The following SLC12A7 variants were observed in gnomAD, a reference collection of about 807,000 sequenced individuals.
SLC12A7 encodes the protein solute carrier family 12 member 7.
Under a neutral mutation model 120.6 loss-of-function variants are expected in SLC12A7, and 100 were observed. The observed-to-expected ratio is 0.83, with a 90% CI of 0.71 to 0.98. The LOEUF is 0.98. SLC12A7 is among the 50% of genes least tolerant of loss of function. The pLI is 0.00. For missense variants in SLC12A7, 1,373 were observed against 1,548.1 expected (o/e 0.89, Z 1.90); for synonymous variants, 760 against 678.0 (o/e 1.12, Z -1.88).
the SLC12A7 span, among the ~76,000 whole-genome samples, chr5:1,127,891 G>A: frequency 4.6e-5 from 7 of 152,160 alleles, no homozygotes; most frequent in Non-Finnish European, 1.0e-4. Flanking sequence ...TATCAAATTA[G>A]CACTTGTCAT....
At position 1,064,228 on chromosome 5, in the gene SLC12A7, G is replaced by A. The variant is rs534639626; in HGVS notation, c.2462C>T (p.Ala821Val). The A allele has an allele frequency of 8.1e-5, 130 of 1,611,834 alleles. No homozygotes were observed. The East Asian group carries it at 8.2e-4, about 10-fold the overall frequency. Residue 821 changes from alanine (A) to valine (V), a missense_variant, in exon 19 of 24, where the codon GCG (alanine) becomes GTG (valine). By Grantham distance (64) the Ala-to-Val change is moderately conservative. Transcript: ENST00000264930. ...FVDTVRDTTA[A>V]HQALLVAKNV... Reference sequence around the variant, plus strand: ...CTTGGCCACCAGCAGAGCCTGGTGCGCGGCGGTGGTGTCGCGGACGGTGTC... The same window carrying A: ...CTTGGCCACCAGCAGAGCCTGGTGCACGGCGGTGGTGTCGCGGACGGTGTC...
At chr5:1,135,745 C>T in the SLC12A7 span, among the ~76,000 whole-genome samples, 1 of 152,244 alleles carries the variant, frequency 6.6e-6, no homozygotes, top group African/African-American at 2.4e-5. Context: ...ACTGAAGGCT[C>T]AGCTTAAGTC....
At chr5:1,061,514 C>CCCGCCGCACCTGCCGCAT (rs1178715312) in intron 20 of SLC12A7, among the ~76,000 whole-genome samples, 1 of 120,142 alleles carries the variant, frequency 8.3e-6, no homozygotes, top group Non-Finnish European at 1.7e-5. Context: ...ACCCGCCGCA[C>CCCGCCGCACCTGCCGCAT]CCGCCGCACC....
rs1254384251 is a variant in SLC12A7 at position 1,052,657 on chromosome 5, AAG to A, written c.3161-208_3161-207del. 1.4e-4 allele frequency among the ~76,000 whole-genome samples: 22 copies of A among 152,262 alleles called. No homozygotes were observed. The East Asian group carries it at 3.7e-3, about 25-fold the overall frequency. On this transcript the variant is annotated intron_variant, in intron 23 of 23. Transcript: ENST00000264930. ...GGGAGAGAGGGGCCAGTGCTCGGGA[AAG>A]AGAGGGAGCACCGTGGCCACAGGGA...
At chr5:1,053,739 C>G (rs1175684623) in intron 22 of SLC12A7, among the ~76,000 whole-genome samples, 1 of 152,248 alleles carries the variant, frequency 6.6e-6, no homozygotes, top group Non-Finnish European at 1.5e-5. Flanking sequence ...ACTAAGGCTG[C>G]CAAGCTTCTA....
chr5:1,098,848 A>T (rs374132316), intron 1 of SLC12A7, among the ~76,000 whole-genome samples: 28 of 149,410 alleles, frequency 1.9e-4, no homozygotes, highest in Admixed American at 6.7e-4. Flanking sequence ...GGACTTGGAC[A>T]TCGGCAGTCC....
the SLC12A7 span, among the ~76,000 whole-genome samples, chr5:1,119,907 CG>C: frequency 9.2e-5 from 14 of 152,354 alleles, no homozygotes; most frequent in African/African-American, 2.9e-4. Flanking sequence ...TCTGCCTCCC[CG>C]CAAAAATCCA....
At position 1,076,816 on chromosome 5, in the gene SLC12A7, C is replaced by T. The variant is rs779286316; in HGVS notation, c.1630-4G>A. 6 of 1,599,400 alleles carry T rather than the reference C, an allele frequency of 3.8e-6. No individual in the cohort carries two copies. Among genetic ancestry groups the T allele is most frequent in the Middle Eastern group, 3.3e-4 (2 of 6,022 alleles). ...TGGCCTTCCCGTGGCCAAACACCTG[C>T]AGGGAGAAGGGCAGGAAGATGGGGC... On this transcript the variant is annotated splice_region_variant and splice_polypyrimidine_tract_variant and intron_variant, in intron 12 of 23. Coordinates refer to ENST00000264930, the MANE Select transcript of SLC12A7 (RefSeq NM_006598.3).
At chr5:1,117,432 A>C in the SLC12A7 span, among the ~76,000 whole-genome samples, 1 of 152,136 alleles carries the variant, frequency 6.6e-6, no homozygotes, top group Admixed American at 6.5e-5. This position sits in a 1 kb window ranked among gnomAD's most constrained non-coding sequence, Gnocchi z 4.5. Flanking sequence ...AGTTAAAATA[A>C]ACCTCCTTCT....
At chr5:1,148,794 C>T in the SLC12A7 span, among the ~76,000 whole-genome samples, 7 of 152,138 alleles carry the variant, frequency 4.6e-5, no homozygotes, top group African/African-American at 1.7e-4. Flanking sequence ...GTACACTGAC[C>T]AGGTAGACTG....
chr5:1,074,051 C>G lies in SLC12A7; in HGVS notation c.2073-250G>C, dbSNP rs558088027. Among the ~76,000 whole-genome samples, 148 of 152,226 alleles carry G rather than the reference C, an allele frequency of 9.7e-4. 1 individual carries two copies. Among genetic ancestry groups the G allele is most frequent in the African/African-American group, 3.5e-3 (145 of 41,528 alleles). Reference sequence around the variant, plus strand: ...AGGTGGGACAGGCAGGGCCGATGGACAGGTGGGCACTAGCCAGGCAGGACA... The same window carrying G: ...AGGTGGGACAGGCAGGGCCGATGGAGAGGTGGGCACTAGCCAGGCAGGACA... On this transcript the variant is annotated intron_variant, in intron 16 of 23. Coordinates refer to ENST00000264930, the MANE Select transcript of SLC12A7 (RefSeq NM_006598.3).
chr5:1,107,670 G>A (rs4975643), intron 1 of SLC12A7, among the ~76,000 whole-genome samples: 113,254 of 152,142 alleles, frequency 0.74, 42,732 homozygotes, highest in African/African-American at 0.86. Flanking sequence ...TCCAGACCAC[G>A]GGAGAGGCAC....
intron 22 of SLC12A7, among the ~76,000 whole-genome samples, chr5:1,053,689 A>G (rs1735299704): frequency 6.6e-6 from 1 of 152,226 alleles, no homozygotes; most frequent in South Asian, 2.1e-4. Flanking sequence ...GGCGTTCAGC[A>G]GCGGGATGCT....
intron 22 of SLC12A7, 48 bp downstream of exon 22, chr5:1,057,423 A>G (rs369565132): frequency 8.4e-6 from 13 of 1,547,502 alleles, no homozygotes; most frequent in Non-Finnish European, 8.7e-7. Context: ...CTGCCGGGCC[A>G]GCACTGCCAG....
chr5:1,123,025 A>G, the SLC12A7 span, among the ~76,000 whole-genome samples: 1 of 152,138 alleles, frequency 6.6e-6, no homozygotes, highest in East Asian at 1.9e-4. Flanking sequence ...CTGTCCTGTT[A>G]CCTGGGGTGG....
intron 3 of SLC12A7, among the ~76,000 whole-genome samples, chr5:1,092,416 G>A (rs1017861005): frequency 1.3e-5 from 2 of 152,204 alleles, no homozygotes; most frequent in Non-Finnish European, 2.9e-5. Context: ...CACCCTCCCT[G>A]GACCTGGGGG....
intron 3 of SLC12A7, among the ~76,000 whole-genome samples, chr5:1,090,365 C>A (rs1740361474): frequency 6.6e-6 from 1 of 152,224 alleles, no homozygotes; most frequent in Admixed American, 6.5e-5. Context: ...GGGGGATTCA[C>A]TTGGTTCCCT....
At chr5:1,081,950 A>T (rs1433847907) in intron 8 of SLC12A7, among the ~76,000 whole-genome samples, 2 of 152,270 alleles carry the variant, frequency 1.3e-5, no homozygotes, top group African/African-American at 4.8e-5. Context: ...AGGGAAGGTC[A>T]GCACTAAAGA....
intron 1 of SLC12A7, among the ~76,000 whole-genome samples, chr5:1,102,751 GC>G (rs1040434523): frequency 3.3e-5 from 5 of 152,186 alleles, no homozygotes; most frequent in African/African-American, 9.7e-5. Context: ...CCTGGGTCCA[GC>G]AGGCCACCCT....
Sources: gnomAD v4.1 joint callset for allele counts (sites outside exome capture counted in the v4.1 genomes callset) on GRCh38, gnomAD v4.1.1 for gene constraint, Gnocchi (gnomAD v3.1) non-coding constraint, MANE v1.5 for transcripts, NCBI Gene and HGNC (gene_info 2026-07-23, HGNC 2026-07-21) for gene names.